The following MAD1L1 variants were observed in gnomAD, a reference collection of about 807,000 sequenced individuals.
MAD1L1 encodes mitotic spindle assembly checkpoint protein MAD1.
MAD1L1 carries 95 observed loss-of-function variants against 96.9 expected under a neutral mutation model. The ratio of observed to expected loss-of-function variants is 0.98; its 90% CI spans 0.83 to 1.16. The LOEUF (loss-of-function observed/expected upper bound fraction) is 1.16, where lower values mean the gene tolerates loss of function less well. MAD1L1 is among the 50% of genes most tolerant of loss of function. MAD1L1 has a pLI of 0.00. For missense variants in MAD1L1, 1,007 were observed against 954.4 expected (o/e 1.06, Z -0.73); for synonymous variants, 473 against 396.6 (o/e 1.19, Z -2.29).
At chr7:2,210,311 T>C (rs1584556536) in intron 10 of MAD1L1, among the ~76,000 whole-genome samples, 1 of 152,034 alleles carries the variant, frequency 6.6e-6, no homozygotes, top group East Asian at 1.9e-4. Context: ...GCTCGAGCAA[T>C]CCCCCTGCGG....
chr7:1,853,284 G>A (rs187184442), intron 18 of MAD1L1, among the ~76,000 whole-genome samples: 4 of 152,312 alleles, frequency 2.6e-5, no homozygotes, highest in Admixed American at 6.5e-5. Context: ...CAGGCCTGGC[G>A]AGAAGGCCCC....
intron 11 of MAD1L1, among the ~76,000 whole-genome samples, chr7:2,078,145 G>T (rs73048980): frequency 6.6e-6 from 1 of 152,120 alleles, no homozygotes; most frequent in Non-Finnish European, 1.5e-5. Flanking sequence ...ACAGACGCAG[G>T]CTCCTTGTGT....
intron 16 of MAD1L1, among the ~76,000 whole-genome samples, chr7:1,948,976 G>A (rs1779358355): frequency 6.6e-6 from 1 of 152,208 alleles, no homozygotes; most frequent in African/African-American, 2.4e-5. Flanking sequence ...GAGGGGCTGG[G>A]CCCGACACAC....
intron 3 of MAD1L1, among the ~76,000 whole-genome samples, chr7:2,229,331 C>A (rs1794077468): frequency 6.6e-6 from 1 of 152,184 alleles, no homozygotes; most frequent in Non-Finnish European, 1.5e-5. Flanking sequence ...AACTTGGGGG[C>A]CCCATTATCG....
chr7:2,113,308 G>A (rs977766396), intron 11 of MAD1L1, among the ~76,000 whole-genome samples: 2 of 152,208 alleles, frequency 1.3e-5, no homozygotes, highest in East Asian at 1.9e-4. Flanking sequence ...GGCTGGGCAC[G>A]GTGGCTCACA....
chr7:2,045,176 C>T (rs1783866105), intron 12 of MAD1L1, among the ~76,000 whole-genome samples: 1 of 152,212 alleles, frequency 6.6e-6, no homozygotes, highest in South Asian at 2.1e-4. Flanking sequence ...ACACCCCTCT[C>T]TGCTCCAGGC....
intron 10 of MAD1L1, among the ~76,000 whole-genome samples, chr7:2,197,544 C>T (rs1053617668): frequency 6.6e-6 from 1 of 152,224 alleles, no homozygotes. Flanking sequence ...CACCTTCTCC[C>T]TGCACACGGG....
intron 13 of MAD1L1, among the ~76,000 whole-genome samples, chr7:2,005,086 C>T (rs541714748): frequency 4.6e-5 from 7 of 152,272 alleles, no homozygotes; most frequent in Non-Finnish European, 8.8e-5. Flanking sequence ...GACGACCGCA[C>T]GTCAGCAGGA....
At position 2,202,595 on chromosome 7, in the gene MAD1L1, T is replaced by G. The variant is rs946809318; in HGVS notation, c.986+10617A>C. Among the ~76,000 whole-genome samples the G allele has an allele frequency of 3.3e-5, 5 of 152,256 alleles. No homozygotes were observed. In the South Asian group the frequency reaches 1.0e-3, roughly 32 times the overall value. On this transcript the variant is annotated intron_variant, in intron 10 of 18. Coordinates refer to ENST00000265854, the MANE Select transcript of MAD1L1 (RefSeq NM_001013836.2). Reference sequence around the variant, plus strand: ...AGAAGAAGGGCCATGCTCACACAAGTAGCCAGAAGGCCAAACGCTTCTCCC... The same window carrying G: ...AGAAGAAGGGCCATGCTCACACAAGGAGCCAGAAGGCCAAACGCTTCTCCC...
intron 18 of MAD1L1, among the ~76,000 whole-genome samples, chr7:1,840,472 G>A (rs1783190138): frequency 6.6e-6 from 1 of 152,230 alleles, no homozygotes; most frequent in African/African-American, 2.4e-5. Flanking sequence ...GCTCACACCT[G>A]TAATCCCAGC....
chr7:2,091,103 C>A (rs1786189066), intron 11 of MAD1L1, among the ~76,000 whole-genome samples: 1 of 152,198 alleles, frequency 6.6e-6, no homozygotes, highest in African/African-American at 2.4e-5. Flanking sequence ...GAATGCTTTC[C>A]TCTGGCTCCT....
intron 15 of MAD1L1, among the ~76,000 whole-genome samples, chr7:1,963,089 A>G (rs546952310): frequency 6.6e-6 from 1 of 152,364 alleles, no homozygotes; most frequent in East Asian, 1.9e-4. Flanking sequence ...GCCACTCCAC[A>G]CTAGGCGTTT....
intron 18 of MAD1L1, among the ~76,000 whole-genome samples, chr7:1,840,790 A>G (rs1783209163): frequency 6.6e-6 from 1 of 152,250 alleles, no homozygotes; most frequent in East Asian, 1.9e-4. Context: ...TCAAGGTTTT[A>G]GCGGCCTGGG....
At chr7:2,014,439 G>A (rs1049689307) in intron 13 of MAD1L1, 63 bp downstream of exon 13, 4 of 1,505,182 alleles carry the variant, frequency 2.7e-6, no homozygotes, top group South Asian at 1.3e-5. Flanking sequence ...CGCAGGCTCT[G>A]CCAAGGCCCA....
At chr7:2,078,319 C>T (rs949008575) in intron 11 of MAD1L1, among the ~76,000 whole-genome samples, 2 of 152,234 alleles carry the variant, frequency 1.3e-5, no homozygotes, top group African/African-American at 4.8e-5. Context: ...CACCTCTGGC[C>T]TTCTCCTTCC....
At chr7:1,888,729 C>T (rs1786344408) in intron 18 of MAD1L1, among the ~76,000 whole-genome samples, 1 of 149,520 alleles carries the variant, frequency 6.7e-6, no homozygotes, top group Non-Finnish European at 1.5e-5. Flanking sequence ...ATGTGGGTGG[C>T]TGTGCATGGG....
intron 18 of MAD1L1, among the ~76,000 whole-genome samples, chr7:1,866,537 A>C (rs1442202736): frequency 6.6e-6 from 1 of 152,058 alleles, no homozygotes; most frequent in East Asian, 1.9e-4. Flanking sequence ...TGTGCTGAGG[A>C]GAGGTCTTAA....
chr7:2,025,575 G>T (rs1320035282), intron 12 of MAD1L1, among the ~76,000 whole-genome samples: 1 of 152,196 alleles, frequency 6.6e-6, no homozygotes, highest in Non-Finnish European at 1.5e-5. Flanking sequence ...GAAGAAAAAC[G>T]ATTGCAGATG....
At chr7:1,845,896 G>C (rs1344575729) in intron 18 of MAD1L1, 1 of 152,634 alleles carries the variant, frequency 6.6e-6, no homozygotes, top group African/African-American at 2.4e-5. Context: ...AAGGCCTCCT[G>C]CTGCCTCGGG....
Sources: allele counts gnomAD v4.1 joint callset (sites outside exome capture counted in the v4.1 genomes callset), GRCh38; gene constraint gnomAD v4.1.1; transcripts MANE v1.5; gene names NCBI Gene and HGNC (gene_info 2026-07-23, HGNC 2026-07-21).